Variants in POU2AF1 observed in about 807,000 individuals in gnomAD.
POU2AF1 encodes POU class 2 homeobox associating factor 1.
In POU2AF1, 12 loss-of-function variants were observed where a neutral mutation model predicts 26.3. The ratio of observed to expected loss-of-function variants is 0.46; its 90% CI spans 0.29 to 0.74. The LOEUF is 0.74. POU2AF1 is among the 30% of genes least tolerant of loss of function. The probability of loss-of-function intolerance (pLI) is 0.09; values close to 1 mark genes in which losing one functional copy is unlikely to be tolerated. For synonymous variants in POU2AF1, 175 were observed against 148.0 expected (o/e 1.18, Z -1.32); for missense variants, 297 against 334.5 (o/e 0.89, Z 0.87).
At chr11:111,358,370 A>ACACACTCT (rs1565360606) in intron 2 of POU2AF1, among the ~76,000 whole-genome samples, 2 of 83,890 alleles carry the variant, frequency 2.4e-5, no homozygotes, top group South Asian at 3.1e-4. Context: ...TCACACACTC[A>ACACACTCT]CACACTCTCT....
At chr11:111,371,575 CA>C (rs1472476262) in intron 1 of POU2AF1, among the ~76,000 whole-genome samples, 1 of 152,140 alleles carries the variant, frequency 6.6e-6, no homozygotes, top group Non-Finnish European at 1.5e-5. Flanking sequence ...TAACCCACCA[CA>C]AGTTACAAGA....
At chr11:111,364,662 C>T (rs1861071073) in intron 1 of POU2AF1, among the ~76,000 whole-genome samples, 1 of 152,256 alleles carries the variant, frequency 6.6e-6, no homozygotes, top group African/African-American at 2.4e-5. Flanking sequence ...CTGCCAGGGC[C>T]AGGCACCAGG....
At chr11:111,370,450 G>A (rs1441857757) in intron 1 of POU2AF1, among the ~76,000 whole-genome samples, 1 of 152,154 alleles carries the variant, frequency 6.6e-6, no homozygotes, top group Admixed American at 6.5e-5. Context: ...TGACCAGCTA[G>A]CAGGGATCTT....
At chr11:111,359,286 T>C (rs966635222) in intron 1 of POU2AF1, 2 of 261,278 alleles carry the variant, frequency 7.7e-6, no homozygotes, top group Non-Finnish European at 1.5e-5. Flanking sequence ...TCATCTGTGG[T>C]TGAGGTTTTC....
At position 111,353,951 on chromosome 11, in the gene POU2AF1, G is replaced by A. The variant is rs1860787684; in HGVS notation, c.*310C>T. 1 of 325,032 alleles carries A rather than the reference G, an allele frequency of 3.1e-6. No individual in the cohort carries two copies. Among genetic ancestry groups the A allele is most frequent in the African/African-American group, 2.3e-5 (1 of 43,526 alleles). The allele number at this position is 325,032 out of a possible 1,614,324, so 20.1% of individuals were successfully genotyped here. A position where few individuals can be genotyped will look rare whatever the true frequency, so the allele number is the denominator to read the frequency against. On this transcript the variant is annotated 3_prime_UTR_variant, in exon 5 of 5. Coordinates refer to ENST00000393067, the MANE Select transcript of POU2AF1 (RefSeq NM_006235.3). ...AAGGGAAGGAGGGAAGGAAGGGAGG[G>A]AGGAAAAGGAAGGAAGGGGTTGGAA...
rs149523858 is a variant in POU2AF1 at position 111,370,662 on chromosome 11, G to A, written c.16+8500C>T. Among the ~76,000 whole-genome samples the A allele has an allele frequency of 6.6e-3, 1,008 of 152,228 alleles. 12 individuals are homozygous for A. Among genetic ancestry groups the A allele is most frequent in the African/African-American group, 0.023 (962 of 41,510 alleles). ...TATACTGAAGTTCTACAGTAGATTT[G>A]GTTTGAATAAGGGAGTTTGTAGCAA... On this transcript the variant is annotated intron_variant, in intron 1 of 4. Transcript: ENST00000393067.
intron 1 of POU2AF1, among the ~76,000 whole-genome samples, chr11:111,366,313 A>G (rs1861103931): frequency 6.6e-6 from 1 of 152,218 alleles, no homozygotes; most frequent in Non-Finnish European, 1.5e-5. Flanking sequence ...TGCAATCTGG[A>G]TGATACCCAG....
intron 4 of POU2AF1, among the ~76,000 whole-genome samples, chr11:111,355,793 G>A (rs906899669): frequency 6.6e-6 from 1 of 152,102 alleles, no homozygotes; most frequent in Non-Finnish European, 1.5e-5. Flanking sequence ...CCTGAAATCC[G>A]GGCTGAGGTG....
chr11:111,372,051 C>CAGAGAGAGAGAGAGAGAGAGAG (rs1374875953), intron 1 of POU2AF1, among the ~76,000 whole-genome samples: 5 of 101,586 alleles, frequency 4.9e-5, no homozygotes, highest in African/African-American at 2.0e-4. Flanking sequence ...CACACACACA[C>CAGAGAGAGAGAGAGAGAGAGAG]ACACACACAC....
chr11:111,371,667 T>C (rs879466799), intron 1 of POU2AF1, among the ~76,000 whole-genome samples: 102 of 152,174 alleles, frequency 6.7e-4, no homozygotes, highest in Admixed American at 3.3e-3. Flanking sequence ...TTAGCCGGCA[T>C]AACCTTTGTC....
In POU2AF1 at chr11:111,354,015, A is replaced by T; in HGVS notation, c.*246T>A. The T allele has an allele frequency of 3.6e-6, 1 of 276,462 alleles. No individual in the cohort carries two copies. Among genetic ancestry groups the T allele is most frequent in the Non-Finnish European group, 6.4e-6 (1 of 157,454 alleles). 17.1% of individuals were successfully genotyped at this position (276,462 alleles called of 1,614,324 possible). A position where few individuals can be genotyped will look rare whatever the true frequency, so the allele number is the denominator to read the frequency against. On this transcript the variant is annotated 3_prime_UTR_variant, in exon 5 of 5. Transcript: ENST00000393067. ...GGAGGGAAGGAAGGGAGGGAGGAAA[A>T]GGAAGGAAGGGGTTGGAAAGGAAGA...
chr11:111,360,030 TC>T (rs778475542), intron 1 of POU2AF1: 7 of 518,768 alleles, frequency 1.3e-5, no homozygotes, highest in African/African-American at 1.2e-4. Context: ...AAGGTTTCCT[TC>T]CCCTCTTGCC....
chr11:111,358,984 AT>A, intron 1 of POU2AF1, 66 bp from the exon 2 acceptor site: 4 of 1,543,690 alleles, frequency 2.6e-6, no homozygotes, highest in Non-Finnish European at 3.5e-6. Context: ...CAAAGTGCTC[AT>A]TTCCTCATGG....
At chr11:111,363,422 C>G (rs980758473) in intron 1 of POU2AF1, 2 of 1,014,902 alleles carry the variant, frequency 2.0e-6, no homozygotes, top group African/African-American at 3.4e-5. Flanking sequence ...CAGTTGGTAC[C>G]TTTCACACCA....
intron 1 of POU2AF1, among the ~76,000 whole-genome samples, chr11:111,378,352 G>A (rs1446559614): frequency 6.6e-6 from 1 of 152,134 alleles, no homozygotes; most frequent in East Asian, 1.9e-4. Flanking sequence ...TATAGAACTA[G>A]CCCCAATAAG....
intron 1 of POU2AF1, among the ~76,000 whole-genome samples, chr11:111,377,396 A>C (rs2135143603): frequency 6.6e-6 from 1 of 152,156 alleles, no homozygotes. Flanking sequence ...CAAACAAACA[A>C]ACAAAAAAAG....
chr11:111,358,566 ACTCACACACT>A (rs1457486521), intron 2 of POU2AF1, among the ~76,000 whole-genome samples: 183 of 148,542 alleles, frequency 1.2e-3, no homozygotes, highest in African/African-American at 4.3e-3. Flanking sequence ...ACATGCATAC[ACTCACACACT>A]CACACTCCCT....
At chr11:111,378,514 G>A (rs1381766218) in intron 1 of POU2AF1, among the ~76,000 whole-genome samples, 1 of 152,142 alleles carries the variant, frequency 6.6e-6, no homozygotes, top group African/African-American at 2.4e-5. Flanking sequence ...TCCAACTCCG[G>A]GGATAAAAAT....
At chr11:111,366,096 G>C (rs1345835526) in intron 1 of POU2AF1, among the ~76,000 whole-genome samples, 3 of 152,194 alleles carry the variant, frequency 2.0e-5, no homozygotes, top group Non-Finnish European at 2.9e-5. Flanking sequence ...GAAAGAAGTT[G>C]GGTTTTGGCC....
Sources: gnomAD v4.1 joint callset for allele counts (sites outside exome capture counted in the v4.1 genomes callset) on GRCh38, gnomAD v4.1.1 for gene constraint, MANE v1.5 for transcripts, NCBI Gene and HGNC (gene_info 2026-07-23, HGNC 2026-07-21) for gene names.